Variants in PALM2AKAP2 observed in about 807,000 individuals in gnomAD.
The protein encoded by PALM2AKAP2 is PALM2 and AKAP2 fusion, also known as PALM2-AKAP2 fusion protein.
In PALM2AKAP2, 37 loss-of-function variants were observed where a neutral mutation model predicts 71.5. The observed-to-expected ratio is 0.52, with a 90% CI of 0.40 to 0.68. PALM2AKAP2 has a LOEUF of 0.68. Among genes scored for constraint, PALM2AKAP2 ranks in the 30% least tolerant of loss-of-function variants. The pLI is 0.00. For missense variants in PALM2AKAP2, 1,224 were observed against 1,191.8 expected (o/e 1.03, Z -0.40); for synonymous variants, 468 against 478.8 (o/e 0.98, Z 0.29).
At chr9:110,032,827 A>G (rs188087250) in intron 7 of PALM2AKAP2, among the ~76,000 whole-genome samples, 95 of 152,056 alleles carry the variant, frequency 6.2e-4, no homozygotes, top group Non-Finnish European at 1.8e-4. Flanking sequence ...CGTCTCAGCT[A>G]CTCAGGAGAC....
intron 6 of PALM2AKAP2, among the ~76,000 whole-genome samples, chr9:109,955,116 T>C (rs1052607166): frequency 2.0e-5 from 3 of 152,178 alleles, no homozygotes; most frequent in African/African-American, 7.2e-5. Context: ...TAATCTACCA[T>C]CATTCACTCA....
At chr9:109,958,889 G>T (rs1323774335) in intron 6 of PALM2AKAP2, among the ~76,000 whole-genome samples, 1 of 152,162 alleles carries the variant, frequency 6.6e-6, no homozygotes, top group Non-Finnish European at 1.5e-5. Context: ...CTATTTTCCT[G>T]TGTATGAAAT....
At position 109,826,985 on chromosome 9, in the gene PALM2AKAP2, A is replaced by T. The variant is rs116065410; in HGVS notation, c.46-40506A>T. Among the ~76,000 whole-genome samples, 1,008 of 152,298 alleles carry T rather than the reference A, an allele frequency of 6.6e-3. 5 individuals are homozygous for T. The highest frequency in any genetic ancestry group is 0.023 in the African/African-American group (965 of 41,556). On this transcript the variant is annotated intron_variant, in intron 1 of 9. Transcript: ENST00000302798. ...AAGTCCTTGGTTTAATAAGTGATGA[A>T]CAAGCCCATAAAATACTAGGTTTTT... is the stretch of plus-strand genomic sequence containing the variant.
chr9:109,850,202 G>A (rs967168516), intron 1 of PALM2AKAP2, among the ~76,000 whole-genome samples: 3 of 152,170 alleles, frequency 2.0e-5, no homozygotes, highest in Admixed American at 6.5e-5. Flanking sequence ...CTTAGGTCAT[G>A]TTAATTAGTT....
At position 110,014,799 on chromosome 9, in the gene PALM2AKAP2, AAAAAATGTATAT is replaced by A. The variant is rs1564260433; in HGVS notation, c.497-1153_497-1142del. Among the ~76,000 whole-genome samples, 47 of 56,616 alleles carry A rather than the reference AAAAAATGTATAT, an allele frequency of 8.3e-4. 2 individuals carry two copies. Among genetic ancestry groups the A allele is most frequent in the African/African-American group, 1.9e-3 (27 of 14,484 alleles). 37.1% of individuals were successfully genotyped at this position (56,616 alleles called of 152,430 possible). A position where few individuals can be genotyped will look rare whatever the true frequency, so the allele number is the denominator to read the frequency against. ...TGTCTCAAAAAAAAAAAAAAAAAAA[AAAAAATGTATAT>A]ATATATATATATATATATATATATA... On this transcript the variant is annotated intron_variant, in intron 6 of 9. Transcript: ENST00000302798.
intron 6 of PALM2AKAP2, among the ~76,000 whole-genome samples, chr9:109,959,573 A>C (rs530871140): frequency 6.8e-6 from 1 of 148,052 alleles, no homozygotes; most frequent in Admixed American, 6.9e-5. Context: ...TGAACCCGGG[A>C]GGCGGAACTT....
At chr9:109,992,010 C>T (rs1315541970) in intron 6 of PALM2AKAP2, among the ~76,000 whole-genome samples, 1 of 152,172 alleles carries the variant, frequency 6.6e-6, no homozygotes, top group Non-Finnish European at 1.5e-5. Flanking sequence ...CTAGGACTGC[C>T]ATAGCAAAGT....
chr9:110,109,827 A>T (rs1296807198), intron 1 of PALM2AKAP2, among the ~76,000 whole-genome samples: 1 of 152,260 alleles, frequency 6.6e-6, no homozygotes, highest in East Asian at 1.9e-4. Flanking sequence ...TTTAAAAAAA[A>T]AGTTCAGTCT....
intron 6 of PALM2AKAP2, among the ~76,000 whole-genome samples, chr9:110,005,093 A>G (rs559970608): frequency 6.6e-6 from 1 of 152,132 alleles, no homozygotes; most frequent in Admixed American, 6.5e-5. Context: ...TTGGGGGAGG[A>G]GAGGTGCTCT....
chr9:110,040,131 T>C (rs1257549562), intron 7 of PALM2AKAP2, among the ~76,000 whole-genome samples: 1 of 152,064 alleles, frequency 6.6e-6, no homozygotes, highest in African/African-American at 2.4e-5. Context: ...AAAAACAATA[T>C]GGGTATAGGT....
chr9:110,111,284 G>A (rs1588115008), intron 1 of PALM2AKAP2, among the ~76,000 whole-genome samples: 1 of 148,504 alleles, frequency 6.7e-6, no homozygotes, highest in Admixed American at 6.7e-5. Flanking sequence ...GTAGAGATGG[G>A]GTCTCATTAC....
At position 110,053,223 on chromosome 9, in the gene PALM2AKAP2, G is replaced by C. The variant is rs148293265; in HGVS notation, c.156+4368G>C. On this transcript the variant is annotated intron_variant, in intron 1 of 3. Transcript: ENST00000374525. Reference sequence around the variant, plus strand: ...GTCCTTGTGGGGACAAGTTTGAGTAGGATCAAGAGACATGTAACTGCGCCA... The same window carrying C: ...GTCCTTGTGGGGACAAGTTTGAGTACGATCAAGAGACATGTAACTGCGCCA... 4.8e-3 allele frequency among the ~76,000 whole-genome samples: 729 copies of C among 152,226 alleles called. 4 individuals are homozygous for C. The highest frequency in any genetic ancestry group is 0.016 in the African/African-American group (678 of 41,558).
intron 6 of PALM2AKAP2, among the ~76,000 whole-genome samples, chr9:110,005,542 C>G (rs1832761685): frequency 6.6e-6 from 1 of 152,234 alleles, no homozygotes; most frequent in African/African-American, 2.4e-5. Flanking sequence ...AACCACTACT[C>G]TCTTCAAAGC....
intron 1 of PALM2AKAP2, among the ~76,000 whole-genome samples, chr9:110,122,653 G>C (rs1835514397): frequency 6.6e-6 from 1 of 152,194 alleles, no homozygotes; most frequent in South Asian, 2.1e-4. Context: ...GATCATAATG[G>C]TATCAATTGT....
exon 2 of PALM2AKAP2, chr9:110,138,442 G>A (rs1260213368): frequency 6.2e-7 from 1 of 1,614,234 alleles, no homozygotes; most frequent in East Asian, 2.2e-5. Context: ...GGGAAGAGGA[G>A]CTGAAGAGGC....
intron 6 of PALM2AKAP2, among the ~76,000 whole-genome samples, chr9:109,990,364 C>T (rs971130853): frequency 8.5e-5 from 13 of 152,066 alleles, no homozygotes; most frequent in African/African-American, 2.7e-4. Flanking sequence ...CTTGCCTGAA[C>T]GCATTGTTTT....
intron 1 of PALM2AKAP2, among the ~76,000 whole-genome samples, chr9:109,855,057 C>T (rs1044887584): frequency 6.8e-6 from 1 of 148,006 alleles, no homozygotes; most frequent in Non-Finnish European, 1.5e-5. Context: ...CGTGAGCCAC[C>T]ATGCCTGGTG....
chr9:109,892,658 G>A (rs1326543411), intron 3 of PALM2AKAP2, among the ~76,000 whole-genome samples: 1 of 152,178 alleles, frequency 6.6e-6, no homozygotes, highest in Non-Finnish European at 1.5e-5. Context: ...ATAAGGCAGT[G>A]GTTAGGGGCA....
chr9:110,040,466 T>A (rs1360354243), intron 7 of PALM2AKAP2, among the ~76,000 whole-genome samples: 1 of 152,178 alleles, frequency 6.6e-6, no homozygotes, highest in Non-Finnish European at 1.5e-5. Flanking sequence ...TACTAAAACA[T>A]TTGACAAGCA....
Sources: allele counts gnomAD v4.1 joint callset (sites outside exome capture counted in the v4.1 genomes callset), GRCh38; gene constraint gnomAD v4.1.1; transcripts MANE v1.5; gene names NCBI Gene and HGNC (gene_info 2026-07-23, HGNC 2026-07-21).